The following VWA8 variants were observed in gnomAD, a reference collection of about 807,000 sequenced individuals.
VWA8 encodes von Willebrand factor A domain containing 8, also known as von Willebrand factor A domain-containing protein 8.
In VWA8, 221 loss-of-function variants were observed where a neutral mutation model predicts 241.5. That is an observed-to-expected ratio of 0.91 (90% confidence interval 0.82 to 1.02). The LOEUF (loss-of-function observed/expected upper bound fraction) is 1.02, where lower values mean the gene tolerates loss of function less well. VWA8 is among the 50% of genes least tolerant of loss of function. VWA8 has a pLI of 0.00. For synonymous variants in VWA8, 852 were observed against 827.1 expected, an observed-to-expected ratio of 1.03 and a Z score of -0.52; for missense variants, 2,322 against 2,328.7, an observed-to-expected ratio of 1.00 and a Z score of 0.06.
At chr13:41,630,167 G>A (rs907836705) in intron 37 of VWA8, among the ~76,000 whole-genome samples, 1 of 152,196 alleles carries the variant, frequency 6.6e-6, no homozygotes, top group Non-Finnish European at 1.5e-5. Context: ...ATGCCTATTA[G>A]GGCGACTTGT....
chr13:41,776,536 AT>A (rs1868602577), intron 20 of VWA8, among the ~76,000 whole-genome samples: 1 of 152,204 alleles, frequency 6.6e-6, no homozygotes, highest in Non-Finnish European at 1.5e-5. Flanking sequence ...GTCATAAATA[AT>A]TTATTGTTCT....
intron 17 of VWA8, among the ~76,000 whole-genome samples, chr13:41,809,387 T>C (rs551711642): frequency 3.3e-5 from 5 of 152,194 alleles, no homozygotes; most frequent in Middle Eastern, 3.4e-3. Context: ...CAAAACAGCA[T>C]AGTACTAGCA....
chr13:41,661,199 C>T (rs1041774688), intron 37 of VWA8, among the ~76,000 whole-genome samples: 3 of 152,138 alleles, frequency 2.0e-5, no homozygotes, highest in African/African-American at 7.2e-5. Context: ...TAAAGAGCAT[C>T]TAAAAGGATC....
chr13:41,656,764 C>T (rs1335330735), intron 37 of VWA8, among the ~76,000 whole-genome samples: 1 of 152,162 alleles, frequency 6.6e-6, no homozygotes, highest in East Asian at 1.9e-4. Flanking sequence ...ATCTGAAGTC[C>T]CGGACTCCAA....
chr13:41,739,473 G>A (rs143099657), intron 21 of VWA8, among the ~76,000 whole-genome samples: 2 of 152,072 alleles, frequency 1.3e-5, no homozygotes, highest in Non-Finnish European at 2.9e-5. Flanking sequence ...TTTGTATATA[G>A]CATAATATTA....
intron 41 of VWA8, 127 bp downstream of exon 41, chr13:41,590,513 T>TTA: frequency 1.0e-6 from 1 of 958,482 alleles, no homozygotes; most frequent in Non-Finnish European, 1.4e-6. Flanking sequence ...TTTTTTTTTT[T>TTA]AACATAATGC....
At chr13:41,778,836 T>C (rs397851430) in intron 19 of VWA8, among the ~76,000 whole-genome samples, 8,196 of 127,986 alleles carry the variant, frequency 0.064, 681 homozygotes, top group Non-Finnish European at 0.097. Flanking sequence ...ACGTCACTTT[T>C]TTTTTTTTTT....
At chr13:41,781,541 TTGTG>T (rs1246038077) in intron 19 of VWA8, among the ~76,000 whole-genome samples, 1 of 152,168 alleles carries the variant, frequency 6.6e-6, no homozygotes, top group Non-Finnish European at 1.5e-5. Flanking sequence ...CTGCGTATAC[TTGTG>T]TGTGTATTTT....
rs1873265422 is a variant in VWA8, at chr13:41,865,820, A to G, written c.1348-7T>C. 6.2e-7 allele frequency: 1 copy of G among 1,614,038 alleles called. No homozygotes were observed. The highest frequency in any genetic ancestry group is 1.3e-5 in the African/African-American group (1 of 74,928). On this transcript the variant is annotated splice_region_variant and splice_polypyrimidine_tract_variant and intron_variant, in intron 11 of 44. Transcript: ENST00000379310. ...TCACTGTTTTTCCACAACCCTACAA[A>G]TGGAAAAAATTATTCAAGAGGTAAG...
rs369712023 is a variant in VWA8, at chr13:41,703,352, C to T, written c.3176G>A (p.Gly1059Glu). 1 of 1,613,948 alleles carries T rather than the reference C, an allele frequency of 6.2e-7. No individual in the cohort carries two copies. The highest frequency in any genetic ancestry group is 8.5e-7 in the Non-Finnish European group (1 of 1,179,938). ...GYWTIGQARS[G>E]MQKLLCPVET... ...CACTGGACACAAGAGTTTTTGCATC[C>T]CACTTCTTGCCTGACCAATTGTCCA... The change falls in exon 27 of 45, where the codon GGG becomes GAG. Residue 1059 changes from glycine (G) to glutamate (E), a missense_variant. Gly to Glu is a moderately conservative substitution (Grantham distance 98). Transcript: ENST00000379310.
At chr13:41,707,359 A>G (rs2045289101) in intron 26 of VWA8, among the ~76,000 whole-genome samples, 1 of 152,186 alleles carries the variant, frequency 6.6e-6, no homozygotes, top group African/African-American at 2.4e-5. Flanking sequence ...CACATGCAAA[A>G]GATTTGGATC....
At chr13:41,877,920 A>C (rs1593838080) in intron 9 of VWA8, among the ~76,000 whole-genome samples, 1 of 152,136 alleles carries the variant, frequency 6.6e-6, no homozygotes, top group South Asian at 2.1e-4. Flanking sequence ...CATGATGAGC[A>C]CCATCTGGGG....
At chr13:41,806,657 C>T (rs1256210359) in intron 17 of VWA8, among the ~76,000 whole-genome samples, 1 of 152,042 alleles carries the variant, frequency 6.6e-6, no homozygotes, top group Non-Finnish European at 1.5e-5. Context: ...GAGCCAAGAT[C>T]ATGCCACTGC....
chr13:41,722,657 A>G (rs1593719995), intron 24 of VWA8, among the ~76,000 whole-genome samples: 1 of 152,210 alleles, frequency 6.6e-6, no homozygotes, highest in South Asian at 2.1e-4. Context: ...TACTCATCAA[A>G]TAATGATTAA....
chr13:41,770,158 T>C (rs955907321), intron 20 of VWA8, among the ~76,000 whole-genome samples: 1 of 151,914 alleles, frequency 6.6e-6, no homozygotes, highest in Non-Finnish European at 1.5e-5. Flanking sequence ...TAAGAAATTG[T>C]AGTTTGAGGC....
In VWA8 at chr13:41,769,891, C is replaced by T. The variant is rs1022718153; in HGVS notation, c.2349+8094G>A. ...TCTTAGTTCATAAGAAACTTTTAAC[C>T]AATTATGGATGAAATCAAACACGGA... On this transcript the variant is annotated intron_variant, in intron 20 of 44. Transcript: ENST00000379310. 5.9e-5 allele frequency among the ~76,000 whole-genome samples: 9 copies of T among 151,982 alleles called. No individual in the cohort carries two copies. In the South Asian group the frequency reaches 8.3e-4, roughly 14 times the overall value.
At chr13:41,836,073 G>C (rs1871713778) in intron 12 of VWA8, among the ~76,000 whole-genome samples, 1 of 152,112 alleles carries the variant, frequency 6.6e-6, no homozygotes, top group South Asian at 2.1e-4. Context: ...ACATTACATA[G>C]ATGATTCTGA....
intron 2 of VWA8, among the ~76,000 whole-genome samples, chr13:41,923,626 T>C (rs1196773401): frequency 6.6e-6 from 1 of 152,028 alleles, no homozygotes; most frequent in African/African-American, 2.4e-5. Context: ...TGTGTCAGAC[T>C]AGACATCAAG....
At chr13:41,830,028 G>A (rs553706590) in intron 14 of VWA8, among the ~76,000 whole-genome samples, 91 of 152,250 alleles carry the variant, frequency 6.0e-4, no homozygotes, top group African/African-American at 2.0e-3. Flanking sequence ...GGATCACGAG[G>A]TCAGGAGATC....
Sources: allele counts gnomAD v4.1 joint callset (sites outside exome capture counted in the v4.1 genomes callset), GRCh38; gene constraint gnomAD v4.1.1; transcripts MANE v1.5; gene names NCBI Gene and HGNC (gene_info 2026-07-23, HGNC 2026-07-21).